Variants in ARMH4 observed in about 807,000 individuals in gnomAD.
ARMH4 encodes armadillo like helical domain containing 4.
In ARMH4, 49 loss-of-function variants were observed where a neutral mutation model predicts 61.9. The observed-to-expected ratio is 0.79, with a 90% CI of 0.63 to 1.00. The LOEUF (loss-of-function observed/expected upper bound fraction) is 1.00. ARMH4 is among the 50% of genes least tolerant of loss of function. ARMH4 has a pLI of 0.00. For synonymous variants in ARMH4, 368 were observed against 341.5 expected, an observed-to-expected ratio of 1.08 and a Z score of -0.85; for missense variants, 934 against 930.0, an observed-to-expected ratio of 1.00 and a Z score of -0.06.
intron 5 of ARMH4, among the ~76,000 whole-genome samples, chr14:58,041,738 G>T (rs1403633990): frequency 1.3e-5 from 2 of 152,042 alleles, no homozygotes; most frequent in Non-Finnish European, 2.9e-5. Context: ...CAAAATAAAG[G>T]GATGGAGGAA....
At chr14:58,107,055 A>T (rs1376500422) in intron 4 of ARMH4, among the ~76,000 whole-genome samples, 2 of 152,136 alleles carry the variant, frequency 1.3e-5, no homozygotes, top group African/African-American at 2.4e-5. Context: ...TAGTAATCTG[A>T]CTCTGCTACA....
chr14:58,023,461 G>T (rs1211600861), intron 5 of ARMH4, among the ~76,000 whole-genome samples: 1 of 152,028 alleles, frequency 6.6e-6, no homozygotes, highest in Non-Finnish European at 1.5e-5. Context: ...ACATCTTCAG[G>T]CTCCATTTAT....
intron 6 of ARMH4, among the ~76,000 whole-genome samples, chr14:58,006,752 C>G (rs886348592): frequency 6.3e-5 from 9 of 143,948 alleles, no homozygotes; most frequent in African/African-American, 2.1e-4. Flanking sequence ...ACACACCGGG[C>G]CCTGTCGTGG....
chr14:58,023,974 C>T (rs960897502), intron 5 of ARMH4, among the ~76,000 whole-genome samples: 7 of 152,142 alleles, frequency 4.6e-5, no homozygotes, highest in Non-Finnish European at 7.3e-5. Flanking sequence ...AACAGATGTG[C>T]TGTCATCCAG....
Position 58,096,973 on chromosome 14 carries a change from CTTG to C in ARMH4, c.1837_1839del (p.Gln613del). 1 of 1,613,508 alleles carries C rather than the reference CTTG, an allele frequency of 6.2e-7. No homozygotes were observed. The highest frequency in any genetic ancestry group is 1.3e-5 in the African/African-American group (1 of 75,028). On this transcript the variant is annotated inframe_deletion, in exon 5 of 8. Coordinates refer to ENST00000267485, the MANE Select transcript of ARMH4 (RefSeq NM_001001872.4). ...TCTTCATCCTCTTCATCCTCATCTT[CTTG>C]TCCCTCTAGGCAAAAAGAAATCAAA...
At chr14:58,126,204 C>T (rs1886890046) in intron 4 of ARMH4, among the ~76,000 whole-genome samples, 1 of 152,114 alleles carries the variant, frequency 6.6e-6, no homozygotes, top group South Asian at 2.1e-4. Context: ...AATGTATTTC[C>T]CAATTTTTTT....
At chr14:58,100,718 C>T (rs547723691) in intron 4 of ARMH4, among the ~76,000 whole-genome samples, 93 of 152,130 alleles carry the variant, frequency 6.1e-4, no homozygotes, top group Non-Finnish European at 6.6e-4. Flanking sequence ...GGGGTGGATC[C>T]GAAAGGAGTG....
chr14:58,038,820 C>T (rs1883579537), intron 5 of ARMH4, among the ~76,000 whole-genome samples: 1 of 152,160 alleles, frequency 6.6e-6, no homozygotes, highest in African/African-American at 2.4e-5. Flanking sequence ...CTACTGGCTA[C>T]ACTCATAATT....
At chr14:58,075,110 T>C (rs988661303) in intron 5 of ARMH4, among the ~76,000 whole-genome samples, 4 of 152,152 alleles carry the variant, frequency 2.6e-5, no homozygotes, top group South Asian at 2.1e-4. Context: ...AAACAACAGA[T>C]GTTGGAGAGG....
In ARMH4 at chr14:58,096,764, C is replaced by A; in HGVS notation, c.2049G>T (p.Val683=). The A allele has an allele frequency of 1.2e-6, 2 of 1,614,050 alleles. No individual in the cohort carries two copies. The highest frequency in any genetic ancestry group is 1.7e-6 in the Non-Finnish European group (2 of 1,179,996). The change falls in exon 5 of 8, where the codon GTG becomes GTT. Residue 683 remains valine, a synonymous_variant. Transcript: ENST00000267485. Reference sequence around the variant, plus strand: ...GCTGTTCCCACTCGAGGGCATCTGGCACCTGGTAGGTAGCTCCCTCCAACA... The same window carrying A: ...GCTGTTCCCACTCGAGGGCATCTGGAACCTGGTAGGTAGCTCCCTCCAACA... ...MDLLEGATYQ[V]PDALEWEQQN... is the part of the protein sequence containing the mutation.
intron 4 of ARMH4, among the ~76,000 whole-genome samples, chr14:58,108,915 G>T (rs989004313): frequency 3.3e-5 from 5 of 152,116 alleles, no homozygotes; most frequent in African/African-American, 4.8e-5. Flanking sequence ...GATGTCATTT[G>T]CACTTTCTTA....
Position 58,074,022 on chromosome 14 carries a change from C to T in ARMH4, c.2089+22702G>A, listed in dbSNP as rs149723878. ...AATCATTGAGGTTTTATTATATTTG[C>T]CTTTCTCTTGATAAACCAACAAGCA... On this transcript the variant is annotated intron_variant, in intron 5 of 7. Coordinates refer to ENST00000267485, the MANE Select transcript of ARMH4 (RefSeq NM_001001872.4). 8.3e-4 allele frequency among the ~76,000 whole-genome samples: 126 copies of T among 152,288 alleles called. 3 individuals are homozygous for T. In the East Asian group the frequency reaches 0.022, roughly 27 times the overall value.
intron 4 of ARMH4, among the ~76,000 whole-genome samples, chr14:58,108,033 A>G (rs1257948435): frequency 6.6e-6 from 1 of 152,096 alleles, no homozygotes; most frequent in Non-Finnish European, 1.5e-5. Context: ...TAGAAATGAC[A>G]CTGCTTTTAT....
rs570114791 is a variant in ARMH4, at chr14:58,126,524, C to T, written c.1831+4988G>A. Among the ~76,000 whole-genome samples, 6 of 152,310 alleles carry T rather than the reference C, an allele frequency of 3.9e-5. No homozygotes were observed. In the East Asian group the frequency reaches 1.2e-3, roughly 29 times the overall value. ...ATACACACATACACATGCATGCACACATGTGCACACATGAAGGCAGGAAAA... is the reference window on the plus strand; with the variant it reads ...ATACACACATACACATGCATGCACATATGTGCACACATGAAGGCAGGAAAA... On this transcript the variant is annotated intron_variant, in intron 4 of 7. Coordinates refer to ENST00000267485, the MANE Select transcript of ARMH4 (RefSeq NM_001001872.4).
chr14:58,050,873 G>T (rs557507357), intron 5 of ARMH4, among the ~76,000 whole-genome samples: 2 of 152,124 alleles, frequency 1.3e-5, no homozygotes, highest in Admixed American at 1.3e-4. Context: ...GTTCTTGTTT[G>T]CCAGATAGAG....
At chr14:58,108,585 G>A (rs1032780005) in intron 4 of ARMH4, among the ~76,000 whole-genome samples, 13 of 152,044 alleles carry the variant, frequency 8.6e-5, no homozygotes, top group Admixed American at 3.9e-4. Flanking sequence ...TAATTTTCAC[G>A]ATATATGCTG....
intron 4 of ARMH4, among the ~76,000 whole-genome samples, chr14:58,117,520 A>G (rs1312310913): frequency 6.6e-6 from 1 of 152,222 alleles, no homozygotes; most frequent in Non-Finnish European, 1.5e-5. Context: ...CATTTGTTTT[A>G]TCATACTTAC....
At position 58,133,081 on chromosome 14, in the gene ARMH4, C is replaced by T. The variant is rs780594136; in HGVS notation, c.1621+9G>A. 1.3e-5 allele frequency: 21 copies of T among 1,613,916 alleles called. No homozygotes were observed. The highest frequency in any genetic ancestry group is 3.3e-4 in the Middle Eastern group (2 of 6,084). ...CCCAAAACAGAGTCCAATATCCTCC[C>T]TTACAGACCTTCCACAGTGGGAGTA... On this transcript the variant is annotated intron_variant, in intron 3 of 7. Coordinates refer to ENST00000267485, the MANE Select transcript of ARMH4 (RefSeq NM_001001872.4).
chr14:58,025,862 T>C (rs1205057289), intron 5 of ARMH4, among the ~76,000 whole-genome samples: 2 of 152,176 alleles, frequency 1.3e-5, no homozygotes, highest in African/African-American at 2.4e-5. Context: ...CCCACTTCTT[T>C]GCACAGGGCT....
Sources: gnomAD v4.1 joint callset for allele counts (sites outside exome capture counted in the v4.1 genomes callset) on GRCh38, gnomAD v4.1.1 for gene constraint, MANE v1.5 for transcripts, NCBI Gene and HGNC (gene_info 2026-07-23, HGNC 2026-07-21) for gene names.